The following FAM167A variants were observed in gnomAD, a reference collection of about 807,000 sequenced individuals.
FAM167A encodes protein FAM167A.
A neutral mutation model predicts 14.9 loss-of-function variants in FAM167A; 23 were observed. The ratio of observed to expected loss-of-function variants is 1.55; its 90% CI spans 1.11 to 2.19. The LOEUF (loss-of-function observed/expected upper bound fraction) is 2.19, where lower values mean the gene tolerates loss of function less well. Ranked by LOEUF, FAM167A falls within the 30% of genes most tolerant of loss-of-function variation. The pLI is 0.00. For synonymous variants in FAM167A, 174 were observed against 117.7 expected (o/e 1.48, Z -3.10); for missense variants, 401 against 281.5 (o/e 1.42, Z -3.04).
chr8:11,462,260 G>T (rs1179435168), intron 1 of FAM167A, among the ~76,000 whole-genome samples: 1 of 152,220 alleles, frequency 6.6e-6, no homozygotes, highest in African/African-American at 2.4e-5. Flanking sequence ...GGTGTCGGGG[G>T]ACGTGGGTTG....
At chr8:11,466,473 G>C (rs1325665017) in intron 1 of FAM167A, among the ~76,000 whole-genome samples, 153 bp downstream of exon 1, 1 of 146,798 alleles carries the variant, frequency 6.8e-6, no homozygotes. Context: ...CGGTAGGAGC[G>C]CGTCCCCTCC....
intron 1 of FAM167A, chr8:11,445,154 T>C: frequency 1.0e-6 from 1 of 985,330 alleles, no homozygotes; most frequent in Non-Finnish European, 1.2e-6. Context: ...CACCGAGATC[T>C]CCCAGCAATA....
In FAM167A at chr8:11,444,544, C is replaced by T. The variant is rs1343840276; in HGVS notation, c.-133G>A. The T allele has an allele frequency of 6.1e-6, 9 of 1,471,894 alleles. No individual in the cohort carries two copies. Among genetic ancestry groups the T allele is most frequent in the Admixed American group, 2.5e-5 (1 of 39,552 alleles). 91.2% of individuals were successfully genotyped at this position (1,471,894 alleles called of 1,614,324 possible). ...CCCGAGGGCATTTCCGGGACAGGAG[C>T]CGGCCTCAGAGGCTGGGTGGCAGGG... On this transcript the variant is annotated 5_prime_UTR_variant, in exon 2 of 3. Transcript: ENST00000284486.
chr8:11,439,112 C>T (rs1414207063), intron 2 of FAM167A, among the ~76,000 whole-genome samples: 1 of 152,242 alleles, frequency 6.6e-6, no homozygotes, highest in Admixed American at 6.5e-5. Context: ...TGTGTCGTGG[C>T]TTAGCCACAT....
intron 2 of FAM167A, among the ~76,000 whole-genome samples, chr8:11,428,582 G>A (rs2116999818): frequency 6.6e-6 from 1 of 152,356 alleles, no homozygotes; most frequent in East Asian, 1.9e-4. Flanking sequence ...AGTGGGCTTT[G>A]GTTCTGAGGG....
chr8:11,456,814 TTAGGGACGTGGGTGGGGCTGG>T (rs1162844418), intron 1 of FAM167A, among the ~76,000 whole-genome samples: 6 of 147,244 alleles, frequency 4.1e-5, no homozygotes, highest in Non-Finnish European at 7.5e-5. Context: ...TGGGGCTGGG[TTAGGGACGTGGGTGGGGCTGG>T]GTTAGGGAAG....
At chr8:11,469,585 A>T (rs1458742647), upstream of FAM167A, among the ~76,000 whole-genome samples, 1 of 152,184 alleles carries the variant, frequency 6.6e-6, no homozygotes, top group Non-Finnish European at 1.5e-5. Flanking sequence ...AAAAATGCCC[A>T]ACCAGGCATG....
chr8:11,474,337 C>G (rs951650991), intron 1 of FAM167A, among the ~76,000 whole-genome samples: 7 of 152,316 alleles, frequency 4.6e-5, no homozygotes, highest in African/African-American at 1.7e-4. Context: ...GTTTGTCTTC[C>G]CAGAGCATGA....
At chr8:11,435,166 C>G (rs924148566) in intron 2 of FAM167A, 3 of 455,872 alleles carry the variant, frequency 6.6e-6, no homozygotes, top group Non-Finnish European at 1.3e-5. Context: ...GATGCCCTTG[C>G]CCCCACAGGG....
At chr8:11,435,533 C>T (rs1342876547) in intron 2 of FAM167A, among the ~76,000 whole-genome samples, 4 of 152,200 alleles carry the variant, frequency 2.6e-5, no homozygotes. Context: ...ACTACATTAC[C>T]CAGTACCTGT....
At position 11,430,415 on chromosome 8, in the gene FAM167A, T is replaced by C. The variant is rs574824415; in HGVS notation, c.382-5779A>G. On this transcript the variant is annotated intron_variant, in intron 2 of 2. Coordinates refer to ENST00000284486, the MANE Select transcript of FAM167A (RefSeq NM_053279.3). ...TTGTTTTTTTGGGGGCAGACAAGAATGCTCGTTAAGATGTGAGCCACTGCA... is the reference window on the plus strand; with the variant it reads ...TTGTTTTTTTGGGGGCAGACAAGAACGCTCGTTAAGATGTGAGCCACTGCA... 6.6e-5 allele frequency among the ~76,000 whole-genome samples: 10 copies of C among 152,334 alleles called. No homozygotes were observed. In the East Asian group the frequency reaches 1.9e-3, roughly 29 times the overall value.
intron 2 of FAM167A, among the ~76,000 whole-genome samples, chr8:11,427,849 A>G (rs1805288342): frequency 6.6e-6 from 1 of 152,228 alleles, no homozygotes; most frequent in Non-Finnish European, 1.5e-5. Context: ...AGAAACTCAA[A>G]TTTATTGCTA....
At chr8:11,475,361 G>A (rs893301838) in intron 1 of FAM167A, among the ~76,000 whole-genome samples, 1 of 152,122 alleles carries the variant, frequency 6.6e-6, no homozygotes, top group African/African-American at 2.4e-5. Flanking sequence ...CGATCTGTTG[G>A]CAATTGCAAA....
chr8:11,469,694 C>A (rs983776564), upstream of FAM167A, among the ~76,000 whole-genome samples: 1 of 147,162 alleles, frequency 6.8e-6, no homozygotes, highest in Admixed American at 6.7e-5. Flanking sequence ...TGGTGAGACC[C>A]CACTTCTACA....
intron 1 of FAM167A, 29 bp from the exon 2 acceptor site, chr8:11,444,837 C>T: frequency 1.0e-6 from 1 of 994,654 alleles, no homozygotes. Context: ...CCGCATCAGT[C>T]CCGATCCCTG....
chr8:11,435,124 C>T (rs1461068491), intron 2 of FAM167A: 3 of 456,630 alleles, frequency 6.6e-6, no homozygotes, highest in East Asian at 6.9e-5. Flanking sequence ...CCCTCCTGTT[C>T]CCTTGACCTC....
intron 2 of FAM167A, among the ~76,000 whole-genome samples, chr8:11,436,348 C>T (rs1806013238): frequency 6.6e-6 from 1 of 152,228 alleles, no homozygotes; most frequent in Non-Finnish European, 1.5e-5. Flanking sequence ...AGTGGGGGCC[C>T]TCGTGAGGCC....
At chr8:11,465,023 G>C (rs559376229) in intron 1 of FAM167A, among the ~76,000 whole-genome samples, 2 of 152,272 alleles carry the variant, frequency 1.3e-5, no homozygotes, top group African/African-American at 4.8e-5. Flanking sequence ...AGGGAGTCTG[G>C]GGGCTCTGGG....
rs116433439 is a variant in FAM167A, at chr8:11,464,318, C to G, written c.-398+2308G>C. Among the ~76,000 whole-genome samples the G allele has an allele frequency of 7.4e-3, 1,133 of 152,256 alleles. 6 individuals carry two copies. Among genetic ancestry groups the G allele is most frequent in the Middle Eastern group, 0.02 (6 of 294 alleles). Reference sequence around the variant, plus strand: ...ACCAGGGAAAAGCTGAGACCTGCGGCCTACCTGACTCATCCTGGCAACACG... The same window carrying G: ...ACCAGGGAAAAGCTGAGACCTGCGGGCTACCTGACTCATCCTGGCAACACG... On this transcript the variant is annotated intron_variant, in intron 1 of 2. Transcript: ENST00000284486.
Sources: gnomAD v4.1 joint callset for allele counts (sites outside exome capture counted in the v4.1 genomes callset) on GRCh38, gnomAD v4.1.1 for gene constraint, MANE v1.5 for transcripts, NCBI Gene and HGNC (gene_info 2026-07-23, HGNC 2026-07-21) for gene names.